CAMTA1: variants seen among roughly 807,000 people sequenced by gnomAD.
The protein encoded by CAMTA1 is calmodulin-binding transcription activator 1.
In CAMTA1, 27 loss-of-function variants were observed where a neutral mutation model predicts 170.9. The observed-to-expected ratio is 0.16, with a 90% CI of 0.12 to 0.22. CAMTA1 has a LOEUF of 0.22. Ranked by LOEUF, CAMTA1 falls within the 10% of genes least tolerant of loss-of-function variation. CAMTA1 has a pLI of 1.00. For synonymous variants in CAMTA1, 833 were observed against 891.5 expected (o/e 0.93, Z 1.17); for missense variants, 1,619 against 2,217.2 (o/e 0.73, Z 5.42).
At chr1:7,142,110 T>C (rs1388359695) in intron 4 of CAMTA1, 1 of 518,778 alleles carries the variant, frequency 1.9e-6, no homozygotes. Context: ...TGTTACTTTG[T>C]TGGGGTGAGT....
intron 3 of CAMTA1, among the ~76,000 whole-genome samples, chr1:6,853,753 A>G (rs188338376): frequency 2.6e-5 from 4 of 152,322 alleles, no homozygotes; most frequent in African/African-American, 7.2e-5. Flanking sequence ...ACATTAAAAG[A>G]AAACTGGTGT....
chr1:6,801,024 G>A (rs532175554), intron 1 of CAMTA1, among the ~76,000 whole-genome samples: 1 of 152,268 alleles, frequency 6.6e-6, no homozygotes, highest in East Asian at 1.9e-4. Flanking sequence ...AGAGGCTGTT[G>A]TGCTAAAAAG....
intron 6 of CAMTA1, among the ~76,000 whole-genome samples, chr1:7,636,553 C>T (rs2095713894): frequency 6.6e-6 from 1 of 152,078 alleles, no homozygotes; most frequent in Admixed American, 6.6e-5. Context: ...CCCATCTCTA[C>T]TAAAAATTAG....
intron 3 of CAMTA1, among the ~76,000 whole-genome samples, chr1:6,898,535 A>G (rs1006374760): frequency 6.6e-6 from 1 of 152,236 alleles, no homozygotes; most frequent in African/African-American, 2.4e-5. Flanking sequence ...CCTGGGTGAC[A>G]GAGCAAGAGC....
intron 4 of CAMTA1, among the ~76,000 whole-genome samples, chr1:7,152,588 C>T (rs1646638539): frequency 1.3e-5 from 2 of 152,238 alleles, no homozygotes; most frequent in Admixed American, 1.3e-4. Context: ...GATGTCCAGC[C>T]CCTGCTCTGA....
At chr1:7,430,472 G>A (rs1174975018) in intron 5 of CAMTA1, among the ~76,000 whole-genome samples, 3 of 151,898 alleles carry the variant, frequency 2.0e-5, no homozygotes, top group Non-Finnish European at 4.4e-5. Context: ...TGATGACAGC[G>A]ATAACATGGA....
intron 4 of CAMTA1, among the ~76,000 whole-genome samples, chr1:7,096,845 G>A (rs1053617654): frequency 6.6e-6 from 1 of 152,100 alleles, no homozygotes; most frequent in African/African-American, 2.4e-5. Flanking sequence ...TTCTACTTGG[G>A]AGCCTCAGAT....
chr1:7,124,175 G>C (rs963453688), intron 4 of CAMTA1, among the ~76,000 whole-genome samples: 3 of 152,110 alleles, frequency 2.0e-5, no homozygotes, highest in Admixed American at 2.0e-4. Context: ...CAGCGTCTCA[G>C]GTCTGCCCTT....
At chr1:7,237,054 C>G (rs1054176522) in intron 4 of CAMTA1, among the ~76,000 whole-genome samples, 13 of 152,282 alleles carry the variant, frequency 8.5e-5, no homozygotes, top group African/African-American at 3.1e-4. Context: ...TTCCCTCCAG[C>G]CAGGCCCTTC....
At chr1:7,708,322 C>A (rs1392959913) in intron 11 of CAMTA1, among the ~76,000 whole-genome samples, 2 of 151,506 alleles carry the variant, frequency 1.3e-5, no homozygotes, top group Non-Finnish European at 2.9e-5. Context: ...CAGAGTGAGA[C>A]CCCATCTCAA....
chr1:7,276,295 ATATATATATTTTTTT>A (rs1270106057), intron 5 of CAMTA1, among the ~76,000 whole-genome samples: 8 of 21,260 alleles, frequency 3.8e-4, no homozygotes, highest in Admixed American at 3.0e-3. Flanking sequence ...ATATATATAT[ATATATATATTTTTTT>A]TTTTTTTTTT....
At chr1:6,839,036 T>C (rs779913373) in intron 3 of CAMTA1, among the ~76,000 whole-genome samples, 4 of 152,098 alleles carry the variant, frequency 2.6e-5, no homozygotes, top group Non-Finnish European at 5.9e-5. Flanking sequence ...GGATTACAGG[T>C]GTGAGCCATC....
At chr1:6,791,251 G>GT (rs139021169) in intron 1 of CAMTA1, among the ~76,000 whole-genome samples, 18,578 of 151,608 alleles carry the variant, frequency 0.12, 1,692 homozygotes, top group Admixed American at 0.28. Flanking sequence ...ATAAAAAAGT[G>GT]TTTGTTAGAT....
At chr1:7,096,486 C>T (rs1017268079) in intron 4 of CAMTA1, among the ~76,000 whole-genome samples, 3 of 152,170 alleles carry the variant, frequency 2.0e-5, no homozygotes, top group Non-Finnish European at 4.4e-5. Flanking sequence ...ATCTCCAGCT[C>T]GCCATCTTCT....
intron 4 of CAMTA1, among the ~76,000 whole-genome samples, chr1:7,199,687 C>T (rs927934669): frequency 2.1e-5 from 3 of 142,558 alleles, no homozygotes; most frequent in South Asian, 2.5e-4. Flanking sequence ...TATCCAAGGA[C>T]GCATGGGAAC....
chr1:7,507,188 TAAC>T (rs918581993), intron 6 of CAMTA1, among the ~76,000 whole-genome samples: 5 of 151,306 alleles, frequency 3.3e-5, no homozygotes, highest in Non-Finnish European at 1.5e-5. Flanking sequence ...CTCACATACA[TAAC>T]ACCCTCACAG....
chr1:7,079,282 A>G (rs923620392), intron 3 of CAMTA1, among the ~76,000 whole-genome samples: 3 of 152,152 alleles, frequency 2.0e-5, no homozygotes, highest in Non-Finnish European at 4.4e-5. Context: ...AACTTAAATA[A>G]CTGCCAGAGT....
At chr1:7,458,508 CA>C (rs1333822812) in intron 5 of CAMTA1, among the ~76,000 whole-genome samples, 1 of 151,452 alleles carries the variant, frequency 6.6e-6, no homozygotes, top group Admixed American at 6.5e-5. Flanking sequence ...AATGCCAAGC[CA>C]AGGGACGGCT....
intron 4 of CAMTA1, among the ~76,000 whole-genome samples, chr1:7,152,558 G>C (rs185615658): frequency 3.7e-4 from 57 of 152,364 alleles, no homozygotes; most frequent in African/African-American, 1.1e-3. Flanking sequence ...TGAGAAAACA[G>C]GGAGGTTGCC....
Sources: allele counts gnomAD v4.1 joint callset (sites outside exome capture counted in the v4.1 genomes callset), GRCh38; gene constraint gnomAD v4.1.1; transcripts MANE v1.5; gene names NCBI Gene and HGNC (gene_info 2026-07-23, HGNC 2026-07-21).